BIN3: variants seen among roughly 807,000 people sequenced by gnomAD.
The protein encoded by BIN3 is bridging integrator 3.
A neutral mutation model predicts 38.2 loss-of-function variants in BIN3; 41 were observed. That is an observed-to-expected ratio of 1.07 (90% CI 0.84 to 1.39). The LOEUF (loss-of-function observed/expected upper bound fraction) is 1.39, where lower values mean the gene tolerates loss of function less well. Among genes scored for constraint, BIN3 ranks in the 40% most tolerant of loss-of-function variants. The pLI is 0.00. For synonymous variants in BIN3, 145 were observed against 122.6 expected, an observed-to-expected ratio of 1.18 and a Z score of -1.21; for missense variants, 361 against 324.3, an observed-to-expected ratio of 1.11 and a Z score of -0.87.
intron 1 of BIN3, among the ~76,000 whole-genome samples, chr8:22,666,224 C>T (rs1238724549): frequency 6.6e-6 from 1 of 151,892 alleles, no homozygotes; most frequent in Non-Finnish European, 1.5e-5. Flanking sequence ...GGTCACTATT[C>T]TTAATTCTAC....
Position 22,620,814 on chromosome 8 carries a change from A to C in BIN3, c.*608T>G, listed in dbSNP as rs145744037. 2 of 152,420 alleles carry C rather than the reference A, an allele frequency of 1.3e-5. No individual in the cohort carries two copies. Among genetic ancestry groups the C allele is most frequent in the East Asian group, 3.9e-4 (2 of 5,182 alleles). The allele number at this position is 152,420 out of a possible 1,614,324, so 9.4% of individuals were successfully genotyped here. On this transcript the variant is annotated 3_prime_UTR_variant, in exon 9 of 9. Coordinates refer to ENST00000276416, the MANE Select transcript of BIN3 (RefSeq NM_018688.6). ...TTTGAGACCTGTGAATTCTTGTGGG[A>C]CAGTTCCACTGACAGCTTGCGTTCC...
chr8:22,633,163 A>G (rs1802262352), intron 4 of BIN3, among the ~76,000 whole-genome samples: 1 of 152,168 alleles, frequency 6.6e-6, no homozygotes, highest in African/African-American at 2.4e-5. Context: ...GCTGGGGTAG[A>G]TGACACCAAG....
intron 1 of BIN3, among the ~76,000 whole-genome samples, chr8:22,661,503 G>A (rs1206366560): frequency 5.3e-5 from 8 of 150,662 alleles, no homozygotes; most frequent in Non-Finnish European, 8.9e-5. Flanking sequence ...GATTACAGGC[G>A]TGCACCACCA....
At chr8:22,624,473 G>A (rs1801947890) in intron 6 of BIN3, 110 bp from the exon 7 acceptor site, 3 of 1,422,282 alleles carry the variant, frequency 2.1e-6, no homozygotes, top group South Asian at 2.7e-5. Flanking sequence ...CGCTCTTGGA[G>A]GGGCGTCCTG....
intron 1 of BIN3, among the ~76,000 whole-genome samples, chr8:22,662,655 C>A (rs183835712): frequency 6.6e-6 from 1 of 152,308 alleles, no homozygotes; most frequent in Non-Finnish European, 1.5e-5. Flanking sequence ...TAATGATACT[C>A]TTAGACAGAT....
chr8:22,627,760 T>A (rs1802047487), intron 6 of BIN3, among the ~76,000 whole-genome samples: 1 of 152,176 alleles, frequency 6.6e-6, no homozygotes, highest in Non-Finnish European at 1.5e-5. Context: ...TTTCCACATG[T>A]GAGGAAACAG....
chr8:22,645,354 T>C (rs1229390212), intron 1 of BIN3, among the ~76,000 whole-genome samples: 2 of 151,544 alleles, frequency 1.3e-5, no homozygotes, highest in South Asian at 2.1e-4. Context: ...TGGTGGCACA[T>C]GCCTGTAGTC....
chr8:22,635,547 C>T (rs984490827), intron 4 of BIN3, among the ~76,000 whole-genome samples: 9 of 152,118 alleles, frequency 5.9e-5, no homozygotes, highest in South Asian at 4.2e-4. Context: ...ACCATGACGA[C>T]GGTGATGACA....
chr8:22,650,108 G>C (rs1475480485), intron 1 of BIN3, among the ~76,000 whole-genome samples: 1 of 152,006 alleles, frequency 6.6e-6, no homozygotes, highest in Non-Finnish European at 1.5e-5. Flanking sequence ...CTTACTGCTG[G>C]TCATTGCAAC....
intron 1 of BIN3, among the ~76,000 whole-genome samples, chr8:22,654,525 C>G (rs1275093143): frequency 2.6e-5 from 4 of 152,220 alleles, no homozygotes. Context: ...CATTACTTTG[C>G]CTTCTTTATG....
rs200762212 is a variant in BIN3, at chr8:22,636,928, A to G, written c.92T>C (p.Leu31Pro). 2.9e-4 allele frequency: 467 copies of G among 1,613,044 alleles called. No homozygotes were observed. The highest frequency in any genetic ancestry group is 1.5e-3 in the Middle Eastern group (9 of 6,060). The change falls in exon 3 of 9, where the codon CTT (leucine) becomes CCT (proline). Residue 31 changes from leucine to proline, a missense_variant. By Grantham distance (98) the Leu-to-Pro change is moderately conservative. Transcript: ENST00000276416. ...TTCTGGGGTTGACACTCACTGCTGA[A>G]GTTTTCCATACTCCCTTTCAAAGTC... ...ERDFEREYGK[L>P]QQLEEQTRRL...
intron 4 of BIN3, among the ~76,000 whole-genome samples, chr8:22,631,372 C>T (rs1215582113): frequency 2.6e-5 from 4 of 152,114 alleles, no homozygotes; most frequent in Admixed American, 6.6e-5. Flanking sequence ...TAATGGAAAC[C>T]TGGGGACTTG....
chr8:22,637,740 G>T (rs117675135), intron 2 of BIN3, among the ~76,000 whole-genome samples: 1 of 152,204 alleles, frequency 6.6e-6, no homozygotes, highest in Admixed American at 6.5e-5. Flanking sequence ...GGAAGTAAAT[G>T]ACATCGAGAG....
At chr8:22,652,700 T>G (rs1225427750) in intron 1 of BIN3, among the ~76,000 whole-genome samples, 1 of 152,188 alleles carries the variant, frequency 6.6e-6, no homozygotes, top group Non-Finnish European at 1.5e-5. Context: ...CAAATAGGCA[T>G]GAAAGTGAAT....
intron 1 of BIN3, among the ~76,000 whole-genome samples, chr8:22,652,819 CTCTA>C (rs1234824123): frequency 3.9e-5 from 6 of 152,126 alleles, no homozygotes; most frequent in Admixed American, 1.3e-4. Context: ...CCTAACACAC[CTCTA>C]TCTTTGTCTC....
chr8:22,652,479 G>A (rs74350760), intron 1 of BIN3, among the ~76,000 whole-genome samples: 5,213 of 152,262 alleles, frequency 0.034, 299 homozygotes, highest in African/African-American at 0.12. Context: ...AAGAGCCTGC[G>A]TGTGCATGTA....
At chr8:22,658,042 G>C (rs1803112085) in intron 1 of BIN3, among the ~76,000 whole-genome samples, 1 of 152,270 alleles carries the variant, frequency 6.6e-6, no homozygotes, top group Non-Finnish European at 1.5e-5. Flanking sequence ...CAGAGAGCCA[G>C]AGTGAAGACA....
At position 22,621,160 on chromosome 8, in the gene BIN3, A is replaced by G; in HGVS notation, c.*262T>C. On this transcript the variant is annotated 3_prime_UTR_variant, in exon 9 of 9. Coordinates refer to ENST00000276416, the MANE Select transcript of BIN3 (RefSeq NM_018688.6). ...CAGCTTGCTCAGGCCGTGGGCCAGG[A>G]TGCATGCTGGACGGTTCTCCAAATA... 2.2e-6 allele frequency: 1 copy of G among 458,814 alleles called. No homozygotes were observed. Among genetic ancestry groups the G allele is most frequent in the Non-Finnish European group, 3.9e-6 (1 of 254,156 alleles). 28.4% of individuals were successfully genotyped at this position (458,814 alleles called of 1,614,324 possible).
chr8:22,659,605 T>C (rs540784981), intron 1 of BIN3, among the ~76,000 whole-genome samples: 3 of 152,322 alleles, frequency 2.0e-5, no homozygotes, highest in Admixed American at 1.3e-4. Context: ...GCACTGCTGA[T>C]ACATCCGTTT....
Sources: gnomAD v4.1 joint callset for allele counts (sites outside exome capture counted in the v4.1 genomes callset) on GRCh38, gnomAD v4.1.1 for gene constraint, MANE v1.5 for transcripts, NCBI Gene and HGNC (gene_info 2026-07-23, HGNC 2026-07-21) for gene names.